The following SGK1 variants were observed in gnomAD, a reference collection of about 807,000 sequenced individuals.
SGK1 encodes serine/threonine-protein kinase Sgk1.
In SGK1, 26 loss-of-function variants were observed where a neutral mutation model predicts 64.2. The ratio of observed to expected loss-of-function variants is 0.40; its 90% CI spans 0.30 to 0.56. The LOEUF (loss-of-function observed/expected upper bound fraction) is 0.56. Ranked by LOEUF, SGK1 falls within the 20% of genes least tolerant of loss-of-function variation. SGK1 has a pLI of 0.38. For synonymous variants in SGK1, 265 were observed against 239.7 expected (o/e 1.11, Z -0.98); for missense variants, 519 against 645.6 (o/e 0.80, Z 2.12).
chr6:134,170,997 CAGG>C (rs759833790), intron 12 of SGK1, 23 bp downstream of exon 12: 102 of 1,613,730 alleles, frequency 6.3e-5, no homozygotes, highest in African/African-American at 8.0e-5. Context: ...CCGGCCGGCC[CAGG>C]AGGACAGGAA....
chr6:134,260,321 G>A (rs1776744827), intron 2 of SGK1: 1 of 151,498 alleles, frequency 6.6e-6, no homozygotes, highest in Non-Finnish European at 1.5e-5. Flanking sequence ...CTGCACTCAA[G>A]TCAGGGTTAC....
rs1437762840 is a variant in SGK1 at position 134,228,155 on chromosome 6, A to G, written c.286-20724T>C. Among the ~76,000 whole-genome samples, 7 of 152,036 alleles carry G rather than the reference A, an allele frequency of 4.6e-5. No individual in the cohort carries two copies. The East Asian group carries it at 1.2e-3, about 25-fold the overall frequency. On this transcript the variant is annotated intron_variant, in intron 2 of 13. Transcript: ENST00000367858. ...ATTTTTGTAGAGATGGGTTTTCACC[A>G]TGTTGGCCAGGCTGGTCTCGAACTC...
Position 134,209,205 on chromosome 6 carries a change from G to A in SGK1, c.286-1774C>T, listed in dbSNP as rs148024785. ...TCCCAGCACTTTGGGAGGCCGAGGC[G>A]GGCGGATCAGCTGAGGTCAGGAGTT... On this transcript the variant is annotated intron_variant, in intron 2 of 13. Coordinates refer to ENST00000367858, the MANE Select transcript of SGK1 (RefSeq NM_001143676.3). Among the ~76,000 whole-genome samples the A allele has an allele frequency of 4.7e-4, 71 of 152,188 alleles. No homozygotes were observed. In the East Asian group the frequency reaches 5.8e-3, roughly 12 times the overall value.
intron 3 of SGK1, among the ~76,000 whole-genome samples, chr6:134,200,022 G>C (rs1381712324): frequency 6.6e-6 from 1 of 152,090 alleles, no homozygotes; most frequent in Admixed American, 6.6e-5. Flanking sequence ...CACACATTTT[G>C]AAAGTATGAA....
Position 134,251,073 on chromosome 6 carries a change from A to G in SGK1, c.285+10860T>C, listed in dbSNP as rs545935185. 9.9e-5 allele frequency among the ~76,000 whole-genome samples: 15 copies of G among 152,274 alleles called. No individual in the cohort carries two copies. The South Asian group carries it at 3.1e-3, about 32-fold the overall frequency. ...ATTACAGGTGTGAGCCATTGCACCC[A>G]GCCCTTAGAATCTTCATATTTTTGT... On this transcript the variant is annotated intron_variant, in intron 2 of 13. Transcript: ENST00000367858.
chr6:134,172,724 A>C lies in SGK1; in HGVS notation c.885T>G (p.Arg295=). ...RERCFLEPRA[R]FYAAEIASAL... ...CACTGGCTATTTCAGCAGCATAGAA[A>C]CGAGCCCGTGGTTCCAGGAAGCAGC... The change falls in exon 9 of 14, where the codon CGT becomes CGG. Residue 295 remains arginine, a synonymous_variant. Coordinates refer to ENST00000367858, the MANE Select transcript of SGK1 (RefSeq NM_001143676.3). 6.2e-7 allele frequency: 1 copy of C among 1,614,192 alleles called. No homozygotes were observed. The highest frequency in any genetic ancestry group is 2.2e-5 in the East Asian group (1 of 44,888).
intron 2 of SGK1, among the ~76,000 whole-genome samples, chr6:134,213,513 C>T (rs1479768084): frequency 2.0e-5 from 3 of 150,920 alleles, no homozygotes; most frequent in East Asian, 3.9e-4. Context: ...AAGAGCAAAA[C>T]TCTGTCTCAA....
chr6:134,224,005 A>T (rs979868598), intron 2 of SGK1, among the ~76,000 whole-genome samples: 1 of 152,208 alleles, frequency 6.6e-6, no homozygotes, highest in African/African-American at 2.4e-5. Flanking sequence ...AGGTTCCCAG[A>T]TGTATTGGAA....
In SGK1 at chr6:134,262,051, C is replaced by T. The variant is rs368445835; in HGVS notation, c.167G>A (p.Gly56Glu). 4.0e-5 allele frequency: 64 copies of T among 1,613,792 alleles called. No individual in the cohort carries two copies. The highest frequency in any genetic ancestry group is 4.9e-5 in the Non-Finnish European group (58 of 1,179,806). Reference sequence around the variant, plus strand: ...CAAGGAAGACTCGAAGTCTGGCTCCCCTGGAGGGATGTGCACCATGGAGGA... The same window carrying T: ...CAAGGAAGACTCGAAGTCTGGCTCCTCTGGAGGGATGTGCACCATGGAGGA... ...TGSSMVHIPP[G>E]EPDFESSLCQ... The change falls in exon 2 of 14, where the codon GGG becomes GAG. Residue 56 changes from glycine (G) to glutamate (E), a missense_variant. By Grantham distance (98) the Gly-to-Glu change is moderately conservative. This residue lies in a region of SGK1 where 241 missense variants were observed against 236.9 expected (regional missense o/e 1.02). Coordinates refer to ENST00000367858, the MANE Select transcript of SGK1 (RefSeq NM_001143676.3).
At chr6:134,246,651 G>A (rs1387184221) in intron 2 of SGK1, among the ~76,000 whole-genome samples, 2 of 151,570 alleles carry the variant, frequency 1.3e-5, no homozygotes, top group South Asian at 2.1e-4. Flanking sequence ...GGAGTGCAGT[G>A]GTGTGATCTC....
chr6:134,172,428 G>T, intron 9 of SGK1, 112 bp from the exon 10 acceptor site: 1 of 1,063,926 alleles, frequency 9.4e-7, no homozygotes, highest in Non-Finnish European at 1.4e-6. Context: ...CACTGTAGTT[G>T]TGTAGTGAAG....
chr6:134,190,167 A>G (rs532060289), intron 3 of SGK1, among the ~76,000 whole-genome samples: 1 of 152,032 alleles, frequency 6.6e-6, no homozygotes, highest in East Asian at 1.9e-4. Context: ...CTGTTTTTAT[A>G]TCTACAATCT....
At chr6:134,270,649 AC>A (rs1776924798) in intron 1 of SGK1, among the ~76,000 whole-genome samples, 1 of 148,088 alleles carries the variant, frequency 6.8e-6, no homozygotes, top group African/African-American at 2.4e-5. Flanking sequence ...TCTCACCTTG[AC>A]CTAGTTGCAT....
chr6:134,297,929 C>A lies in SGK1; in HGVS notation c.69+19463G>T, dbSNP rs549712165. 166 of 803,744 alleles carry A rather than the reference C, an allele frequency of 2.1e-4. No homozygotes were observed. The African/African-American group carries it at 2.3e-3, about 11-fold the overall frequency. 49.8% of individuals were successfully genotyped at this position (803,744 alleles called of 1,614,324 possible). ...TGCGGTTGGTGATCTCCTCGTACTGCGCCTTGACCTCAGTGATGATGCCGT... is the reference window on the plus strand; with the variant it reads ...TGCGGTTGGTGATCTCCTCGTACTGAGCCTTGACCTCAGTGATGATGCCGT... On this transcript the variant is annotated intron_variant, in intron 1 of 13. Coordinates refer to ENST00000367858, the MANE Select transcript of SGK1 (RefSeq NM_001143676.3).
chr6:134,187,860 A>G (rs1179832036), intron 3 of SGK1, among the ~76,000 whole-genome samples: 3 of 152,234 alleles, frequency 2.0e-5, no homozygotes, highest in Non-Finnish European at 4.4e-5. Context: ...TGCTTCTTCC[A>G]TGATGGAAGC....
chr6:134,209,693 T>C (rs1177390857), intron 2 of SGK1, among the ~76,000 whole-genome samples: 3 of 152,184 alleles, frequency 2.0e-5, no homozygotes, highest in Admixed American at 6.5e-5. Context: ...TTTTTCTTTG[T>C]TGAGATGGAG....
At chr6:134,174,272 A>G (rs2114639107) in intron 4 of SGK1, 192 bp from the exon 5 acceptor site, 1 of 605,312 alleles carries the variant, frequency 1.7e-6, no homozygotes, top group South Asian at 2.1e-5. Context: ...ATTGTTGCTC[A>G]TGGAGAAAGG....
intron 1 of SGK1, among the ~76,000 whole-genome samples, chr6:134,305,639 A>G (rs1777524312): frequency 6.6e-6 from 1 of 151,488 alleles, no homozygotes; most frequent in South Asian, 2.1e-4. Flanking sequence ...AAAAAAATTT[A>G]TTCAATGTAT....
At chr6:134,306,793 C>A (rs1293304897) in intron 1 of SGK1, among the ~76,000 whole-genome samples, 2 of 151,702 alleles carry the variant, frequency 1.3e-5, no homozygotes, top group African/African-American at 4.8e-5. Flanking sequence ...AGATGTTAGC[C>A]ACTGAGCTCG....
Sources: allele counts gnomAD v4.1 joint callset (sites outside exome capture counted in the v4.1 genomes callset), GRCh38; gene constraint gnomAD v4.1.1; regional missense constraint gnomAD v4.1.1; transcripts MANE v1.5; gene names NCBI Gene and HGNC (gene_info 2026-07-23, HGNC 2026-07-21).